The following MAGI2 variants were observed in gnomAD, a reference collection of about 807,000 sequenced individuals.
MAGI2 encodes membrane associated guanylate kinase, WW and PDZ domain containing 2.
In MAGI2, 35 loss-of-function variants were observed where a neutral mutation model predicts 133.3. The ratio of observed to expected loss-of-function variants is 0.26; its 90% confidence interval spans 0.20 to 0.35. The LOEUF is 0.35. MAGI2 is among the 10% of genes least tolerant of loss of function. The pLI, the probability that MAGI2 is intolerant of heterozygous loss-of-function variation, is 1.00. For missense variants in MAGI2, 1,636 were observed against 1,863.4 expected (o/e 0.88, Z 2.25); for synonymous variants, 729 against 710.6 (o/e 1.03, Z -0.41).
intron 1 of MAGI2, among the ~76,000 whole-genome samples, chr7:79,165,064 G>A (rs935430277): frequency 6.6e-6 from 1 of 151,950 alleles, no homozygotes; most frequent in Non-Finnish European, 1.5e-5. Context: ...GGAACTCAGA[G>A]TCTTATTTTT....
At chr7:79,353,393 C>G (rs1402804367) in intron 1 of MAGI2, 2 of 450,364 alleles carry the variant, frequency 4.4e-6, no homozygotes, top group African/African-American at 4.0e-5. Flanking sequence ...GTGGCATCTT[C>G]TCCCAGATCC....
intron 2 of MAGI2, among the ~76,000 whole-genome samples, chr7:78,706,023 G>A (rs1431788189): frequency 1.3e-5 from 2 of 152,034 alleles, no homozygotes; most frequent in Admixed American, 1.3e-4. Flanking sequence ...ATGTGATATT[G>A]AAAACCTGAA....
chr7:78,049,832 G>T (rs545230000), intron 21 of MAGI2, among the ~76,000 whole-genome samples: 1 of 152,130 alleles, frequency 6.6e-6, no homozygotes, highest in Non-Finnish European at 1.5e-5. Flanking sequence ...ATGTTGCAAC[G>T]TTTTCTTATT....
intron 2 of MAGI2, among the ~76,000 whole-genome samples, chr7:78,673,516 C>T (rs770647852): frequency 4.0e-4 from 61 of 151,952 alleles, no homozygotes; most frequent in Non-Finnish European, 7.4e-4. Flanking sequence ...CTGGCAGGCT[C>T]CCAGACACAA....
At chr7:78,143,924 G>GT (rs374859888) in intron 16 of MAGI2, among the ~76,000 whole-genome samples, 16,737 of 137,606 alleles carry the variant, frequency 0.12, 1,190 homozygotes, top group Non-Finnish European at 0.17. Context: ...AGTCCTATAA[G>GT]TTTTTTTTTT....
intron 10 of MAGI2, among the ~76,000 whole-genome samples, chr7:78,202,324 A>G (rs1228091709): frequency 2.6e-5 from 4 of 152,228 alleles, no homozygotes. Flanking sequence ...CCAACTCAGC[A>G]TGTCAAAAAT....
intron 6 of MAGI2, among the ~76,000 whole-genome samples, chr7:78,420,017 C>A (rs1028967365): frequency 6.6e-5 from 10 of 152,134 alleles, no homozygotes; most frequent in African/African-American, 2.2e-4. Flanking sequence ...GGTACACTAG[C>A]TGTTTTGTTA....
At chr7:78,272,217 G>A (rs535960453) in intron 9 of MAGI2, among the ~76,000 whole-genome samples, 1 of 152,136 alleles carries the variant, frequency 6.6e-6, no homozygotes, top group Non-Finnish European at 1.5e-5. Flanking sequence ...AGTCATTCAG[G>A]AGCAGGCTGT....
At chr7:78,048,934 C>T (rs1309291717) in intron 21 of MAGI2, among the ~76,000 whole-genome samples, 2 of 131,814 alleles carry the variant, frequency 1.5e-5, no homozygotes, top group Non-Finnish European at 3.2e-5. Flanking sequence ...TGGTGAAACC[C>T]GTCTCTACTA....
chr7:78,328,022 G>A (rs569610750), intron 9 of MAGI2, among the ~76,000 whole-genome samples: 19 of 152,238 alleles, frequency 1.2e-4, no homozygotes, highest in Admixed American at 3.3e-4. Context: ...GCTCTGAATA[G>A]GGAGGAAAAT....
At chr7:78,592,692 T>A (rs557504578) in intron 3 of MAGI2, among the ~76,000 whole-genome samples, 6 of 152,192 alleles carry the variant, frequency 3.9e-5, no homozygotes, top group African/African-American at 1.4e-4. Flanking sequence ...AGATGCATAT[T>A]TGCATGAACT....
intron 3 of MAGI2, among the ~76,000 whole-genome samples, chr7:78,549,342 G>A (rs978089233): frequency 6.6e-6 from 1 of 151,856 alleles, no homozygotes; most frequent in African/African-American, 2.4e-5. Context: ...ACAAAAGTAA[G>A]ACTGCCTTCT....
chr7:78,260,699 C>A (rs914799754), intron 9 of MAGI2, among the ~76,000 whole-genome samples: 1 of 152,086 alleles, frequency 6.6e-6, no homozygotes, highest in Non-Finnish European at 1.5e-5. Flanking sequence ...GGGCTACTGA[C>A]CTCAGGCCTG....
At chr7:78,780,624 G>A (rs185395923) in intron 2 of MAGI2, among the ~76,000 whole-genome samples, 28 of 152,224 alleles carry the variant, frequency 1.8e-4, no homozygotes, top group Admixed American at 1.6e-3. Flanking sequence ...ACCACATACT[G>A]GATGGTTCTT....
At chr7:79,023,812 A>C (rs1349157860) in intron 1 of MAGI2, among the ~76,000 whole-genome samples, 1 of 152,158 alleles carries the variant, frequency 6.6e-6, no homozygotes, top group Non-Finnish European at 1.5e-5. Context: ...AGAATTAGAA[A>C]ACACTGCTCA....
At chr7:78,748,910 T>C (rs1046216474) in intron 2 of MAGI2, among the ~76,000 whole-genome samples, 4 of 152,210 alleles carry the variant, frequency 2.6e-5, no homozygotes, top group Admixed American at 2.6e-4. Flanking sequence ...GAAAGTTCTG[T>C]GTAAGCATAT....
At position 78,521,589 on chromosome 7, in the gene MAGI2, C is replaced by T; in HGVS notation, c.595G>A (p.Val199Ile). 6.2e-7 allele frequency: 1 copy of T among 1,614,124 alleles called. No individual in the cohort carries two copies. The highest frequency in any genetic ancestry group is 8.5e-7 in the Non-Finnish European group (1 of 1,180,010). Residue 199 changes from valine to isoleucine, a missense_variant, in exon 4 of 22, where the codon GTA (valine) becomes ATA (isoleucine). Coordinates refer to ENST00000354212, the MANE Select transcript of MAGI2 (RefSeq NM_012301.4). ...GCTCCTGGAAGTATCTGGTCTGTTA[C>T]ATTTAACAATAATGGTGCTGGTTCT... Reference protein sequence around the residue: ...PAEPAPLLLNVTDQILPGATP... With the variant: ...PAEPAPLLLNITDQILPGATP...
chr7:79,075,035 T>C (rs1815338512), intron 1 of MAGI2, among the ~76,000 whole-genome samples: 1 of 152,234 alleles, frequency 6.6e-6, no homozygotes, highest in African/African-American at 2.4e-5. Context: ...ACCTTATGGA[T>C]GTAAGATGGC....
chr7:78,159,718 C>A, intron 16 of MAGI2: 1 of 205,516 alleles, frequency 4.9e-6, no homozygotes, highest in Non-Finnish European at 9.7e-6. Flanking sequence ...AGCACCCCTC[C>A]TTTCAAGGCA....
Sources: allele counts gnomAD v4.1 joint callset (sites outside exome capture counted in the v4.1 genomes callset), GRCh38; gene constraint gnomAD v4.1.1; transcripts MANE v1.5; gene names NCBI Gene and HGNC (gene_info 2026-07-23, HGNC 2026-07-21).